The following GPHN variants were observed in gnomAD, a reference collection of about 807,000 sequenced individuals.
GPHN encodes the protein gephyrin.
Under a neutral mutation model 95.5 loss-of-function variants are expected in GPHN, and 17 were observed. That is an observed-to-expected ratio of 0.18 (90% CI 0.12 to 0.27). GPHN has a LOEUF of 0.27. GPHN is among the 10% of genes least tolerant of loss of function. The pLI is 1.00. For synonymous variants in GPHN, 320 were observed against 322.5 expected (o/e 0.99, Z 0.08); for missense variants, 660 against 978.1 (o/e 0.67, Z 4.34).
chr14:67,286,425 T>G, the GPHN span, among the ~76,000 whole-genome samples: 1 of 152,216 alleles, frequency 6.6e-6, no homozygotes, highest in Non-Finnish European at 1.5e-5. Context: ...TTGACAGGAC[T>G]GATTTAGTTA....
chr14:67,001,686 C>T (rs985182614), intron 9 of GPHN, among the ~76,000 whole-genome samples: 6 of 151,616 alleles, frequency 4.0e-5, no homozygotes, highest in African/African-American at 7.3e-5. Context: ...TTTGTTGCCA[C>T]GTCTACTTTA....
At chr14:67,663,123 T>C in the GPHN span, 1 of 1,526,824 alleles carries the variant, frequency 6.5e-7, no homozygotes, top group Non-Finnish European at 8.7e-7. Flanking sequence ...TTCATTCCCC[T>C]TTCAGCCTTT....
At chr14:67,514,410 C>T in the GPHN span, among the ~76,000 whole-genome samples, 1 of 152,186 alleles carries the variant, frequency 6.6e-6, no homozygotes, top group Non-Finnish European at 1.5e-5. Context: ...GCATCTCTCA[C>T]GGAGGACCAG....
At chr14:66,996,763 T>C (rs1302302071) in intron 9 of GPHN, among the ~76,000 whole-genome samples, 2 of 152,128 alleles carry the variant, frequency 1.3e-5, no homozygotes, top group Non-Finnish European at 2.9e-5. Context: ...ACTTTAATAA[T>C]TTTTTGCTAC....
At chr14:66,853,304 T>C (rs748737191) in intron 4 of GPHN, among the ~76,000 whole-genome samples, 56 of 152,308 alleles carry the variant, frequency 3.7e-4, no homozygotes, top group Non-Finnish European at 6.9e-4. Context: ...GGAAGAAATA[T>C]GGATTCCTTT....
chr14:66,762,273 A>G (rs2058786610), intron 2 of GPHN, among the ~76,000 whole-genome samples: 1 of 152,148 alleles, frequency 6.6e-6, no homozygotes, highest in Non-Finnish European at 1.5e-5. Flanking sequence ...CCAATGGTTC[A>G]TGTCAGAATG....
At chr14:67,006,583 A>T (rs1012407936) in intron 9 of GPHN, among the ~76,000 whole-genome samples, 1 of 152,090 alleles carries the variant, frequency 6.6e-6, no homozygotes, top group Non-Finnish European at 1.5e-5. Context: ...GCCCCTTTGG[A>T]TTTTATACTG....
chr14:67,546,836 C>T, the GPHN span, among the ~76,000 whole-genome samples: 1 of 152,174 alleles, frequency 6.6e-6, no homozygotes, highest in Admixed American at 6.5e-5. Context: ...ACACTCCAGC[C>T]TGGGTGACAC....
intron 1 of GPHN, among the ~76,000 whole-genome samples, chr14:66,513,346 A>G (rs1052336301): frequency 1.3e-5 from 2 of 151,784 alleles, no homozygotes; most frequent in Admixed American, 1.3e-4. Context: ...AACACATACA[A>G]CTATTTGACT....
chr14:67,647,072 C>A, the GPHN span: 2 of 1,154,674 alleles, frequency 1.7e-6, no homozygotes, highest in Non-Finnish European at 2.6e-6. Context: ...ATGGGCAACA[C>A]ACTTTTAGCC....
At chr14:67,677,861 C>G in the GPHN span, 2 of 153,704 alleles carry the variant, frequency 1.3e-5, no homozygotes, top group East Asian at 1.9e-4. Flanking sequence ...CATGCCTGGG[C>G]AAGCCCTGCT....
the GPHN span, among the ~76,000 whole-genome samples, chr14:67,256,420 GT>G: frequency 1.3e-5 from 2 of 152,110 alleles, no homozygotes; most frequent in South Asian, 4.1e-4. Flanking sequence ...AAAAAAACAA[GT>G]GAAAAGAAAC....
the GPHN span, among the ~76,000 whole-genome samples, chr14:67,500,453 C>A: frequency 3.7e-4 from 56 of 152,104 alleles, no homozygotes; most frequent in African/African-American, 1.2e-3. Flanking sequence ...CCAATCAGGG[C>A]AACAAGAGTG....
At chr14:66,975,050 G>A (rs1024757951) in intron 9 of GPHN, among the ~76,000 whole-genome samples, 2 of 152,098 alleles carry the variant, frequency 1.3e-5, no homozygotes, top group African/African-American at 4.8e-5. Flanking sequence ...ATTGTCTATA[G>A]CTTTTAACCT....
At chr14:67,468,484 G>C in the GPHN span, among the ~76,000 whole-genome samples, 1 of 152,192 alleles carries the variant, frequency 6.6e-6, no homozygotes, top group Non-Finnish European at 1.5e-5. Flanking sequence ...GCAGACTTCA[G>C]AAGACGTGGA....
At chr14:67,473,702 G>C in the GPHN span, 1 of 1,594,950 alleles carries the variant, frequency 6.3e-7, no homozygotes, top group South Asian at 1.1e-5. The surrounding 1 kb of genome is among the most constrained non-coding windows in gnomAD (Gnocchi z 6.5). Context: ...GGCAGCGCAG[G>C]AGCAGCGGGC....
At chr14:67,393,820 T>C in the GPHN span, among the ~76,000 whole-genome samples, 1 of 152,150 alleles carries the variant, frequency 6.6e-6, no homozygotes, top group Non-Finnish European at 1.5e-5. Flanking sequence ...CTCATAAAGA[T>C]GTTTATCTAA....
At chr14:66,854,692 A>C (rs1190474855) in intron 4 of GPHN, among the ~76,000 whole-genome samples, 1 of 152,178 alleles carries the variant, frequency 6.6e-6, no homozygotes, top group Non-Finnish European at 1.5e-5. Context: ...TTTCCATGCT[A>C]TATCATCTTT....
chr14:67,496,019 A>G, the GPHN span, among the ~76,000 whole-genome samples: 1 of 152,188 alleles, frequency 6.6e-6, no homozygotes, highest in Non-Finnish European at 1.5e-5. Flanking sequence ...GTGTGTGGCC[A>G]TGTTAGATAA....
Sources: gnomAD v4.1 joint callset for allele counts (sites outside exome capture counted in the v4.1 genomes callset) on GRCh38, gnomAD v4.1.1 for gene constraint, Gnocchi (gnomAD v3.1) non-coding constraint, MANE v1.5 for transcripts, NCBI Gene and HGNC (gene_info 2026-07-23, HGNC 2026-07-21) for gene names.